The following NOL4L variants were observed in gnomAD, a reference collection of about 807,000 sequenced individuals.
NOL4L encodes the protein nucleolar protein 4-like.
A neutral mutation model predicts 64.5 loss-of-function variants in NOL4L; 7 were observed. That is an observed-to-expected ratio of 0.11 (90% CI 0.06 to 0.20). The LOEUF (loss-of-function observed/expected upper bound fraction) is 0.20, where lower values mean the gene tolerates loss of function less well. Ranked by LOEUF, NOL4L falls within the 10% of genes least tolerant of loss-of-function variation. The pLI is 1.00. For synonymous variants in NOL4L, 413 were observed against 401.0 expected (o/e 1.03, Z -0.36); for missense variants, 680 against 967.1 (o/e 0.70, Z 3.94).
At chr20:32,524,953 C>T (rs1478083409) in intron 2 of NOL4L, among the ~76,000 whole-genome samples, 2 of 152,240 alleles carry the variant, frequency 1.3e-5, no homozygotes, top group Non-Finnish European at 2.9e-5. Context: ...CGGCCTCACA[C>T]CCACGGCAGG....
intron 5 of NOL4L, 78 bp from the exon 6 acceptor site, chr20:32,456,473 G>C: frequency 6.7e-6 from 9 of 1,338,502 alleles, no homozygotes; most frequent in Non-Finnish European, 8.8e-6. Flanking sequence ...ATCCCACCCT[G>C]TGTCCTCCTC....
At chr20:32,483,259 C>A (rs1003975732) in intron 4 of NOL4L, 27 of 698,552 alleles carry the variant, frequency 3.9e-5, no homozygotes, top group East Asian at 1.3e-4. Flanking sequence ...CCCTCGCCCC[C>A]CTAACCGCAG....
At chr20:32,483,595 AAGGGGG>A in intron 4 of NOL4L, 2 of 770,354 alleles carry the variant, frequency 2.6e-6, no homozygotes, top group Non-Finnish European at 3.0e-6. Context: ...GGCCCGGAGG[AAGGGGG>A]AGGGGGCACC....
intron 10 of NOL4L, 122 bp from the exon 11 acceptor site, chr20:32,447,938 T>C: frequency 7.7e-7 from 1 of 1,295,134 alleles, no homozygotes; most frequent in South Asian, 1.8e-5. Flanking sequence ...GGCACTGAAG[T>C]CCGTGGCTCT....
intron 1 of NOL4L, among the ~76,000 whole-genome samples, chr20:32,542,810 T>G (rs1161531241): frequency 6.6e-6 from 1 of 152,186 alleles, no homozygotes; most frequent in East Asian, 1.9e-4. Flanking sequence ...TATATATAAG[T>G]CATTGCCGTG....
At chr20:32,447,873 G>T (rs1569358638) in intron 10 of NOL4L, 57 bp from the exon 11 acceptor site, 2 of 1,511,936 alleles carry the variant, frequency 1.3e-6, no homozygotes, top group Non-Finnish European at 1.8e-6. Context: ...GCATCTGGGA[G>T]GTGTACCTTC....
chr20:32,503,260 A>C (rs2016997694), intron 4 of NOL4L, among the ~76,000 whole-genome samples: 1 of 152,210 alleles, frequency 6.6e-6, no homozygotes, highest in African/African-American at 2.4e-5. Flanking sequence ...CAGATACTGA[A>C]AATGTGGTCG....
intron 2 of NOL4L, among the ~76,000 whole-genome samples, chr20:32,525,735 T>C (rs905638904): frequency 1.3e-5 from 2 of 151,890 alleles, no homozygotes; most frequent in African/African-American, 4.8e-5. Context: ...CACACACCAC[T>C]AGGCCTGAAT....
intron 4 of NOL4L, among the ~76,000 whole-genome samples, chr20:32,476,608 C>G (rs954756721): frequency 2.0e-5 from 3 of 152,364 alleles, no homozygotes; most frequent in Admixed American, 2.0e-4. Flanking sequence ...CCACCTACTC[C>G]AAACTCCCCA....
chr20:32,522,743 G>C (rs2017989888), intron 2 of NOL4L, among the ~76,000 whole-genome samples: 1 of 152,220 alleles, frequency 6.6e-6, no homozygotes, highest in Non-Finnish European at 1.5e-5. Flanking sequence ...GCGTGTGCTA[G>C]GCAGAGCAGA....
At chr20:32,454,773 G>C (rs1269309338) in intron 6 of NOL4L, among the ~76,000 whole-genome samples, 1 of 152,262 alleles carries the variant, frequency 6.6e-6, no homozygotes, top group Non-Finnish European at 1.5e-5. Flanking sequence ...AGGTAAGGCA[G>C]GCTCAGGGAA....
chr20:32,567,138 C>T (rs1244906599), intron 1 of NOL4L, among the ~76,000 whole-genome samples: 1 of 152,126 alleles, frequency 6.6e-6, no homozygotes, highest in Non-Finnish European at 1.5e-5. Flanking sequence ...TGGGTCCTTG[C>T]CTCCTTCCCC....
At chr20:32,507,842 A>C (rs2017196759) in intron 4 of NOL4L, among the ~76,000 whole-genome samples, 2 of 152,116 alleles carry the variant, frequency 1.3e-5, no homozygotes, top group South Asian at 4.2e-4. Context: ...CCATGTCTCT[A>C]CTAAAAATAC....
chr20:32,488,817 CTTTCTTTCTTTTTCTT>C lies in NOL4L; in HGVS notation c.700-14091_700-14076del, dbSNP rs1568648572. Among the ~76,000 whole-genome samples, 15 of 23,954 alleles carry C rather than the reference CTTTCTTTCTTTTTCTT, an allele frequency of 6.3e-4. 2 individuals carry two copies. Among genetic ancestry groups the C allele is most frequent in the Non-Finnish European group, 8.5e-4 (12 of 14,080 alleles). 15.7% of individuals were successfully genotyped at this position (23,954 alleles called of 152,430 possible). On this transcript the variant is annotated intron_variant, in intron 4 of 10. Transcript: ENST00000621426. ...TTTCTTTCTTTCTTTTTCTTTCTTT[CTTTCTTTCTTTTTCTT>C]TCTTTCTTTCTTTCTTTCTTTCTTT...
intron 2 of NOL4L, 128 bp downstream of exon 2, chr20:32,527,630 G>C (rs2018181719): frequency 4.4e-6 from 5 of 1,135,344 alleles, no homozygotes; most frequent in Non-Finnish European, 6.1e-6. Context: ...TGCCCCCCTA[G>C]ATCCCCAAAG....
intron 5 of NOL4L, among the ~76,000 whole-genome samples, chr20:32,469,645 A>G (rs2014857637): frequency 6.6e-6 from 1 of 152,256 alleles, no homozygotes; most frequent in African/African-American, 2.4e-5. Context: ...TGCTGGGCTT[A>G]CAGGCGTGAG....
intron 4 of NOL4L, among the ~76,000 whole-genome samples, chr20:32,500,737 T>G (rs1442065096): frequency 6.6e-6 from 1 of 151,592 alleles, no homozygotes; most frequent in Non-Finnish European, 1.5e-5. Context: ...AAAGAAGCAC[T>G]AAAAAACAAG....
chr20:32,477,744 C>T (rs1192059642), intron 4 of NOL4L, among the ~76,000 whole-genome samples: 6 of 152,306 alleles, frequency 3.9e-5, no homozygotes, highest in Middle Eastern at 3.4e-3. Flanking sequence ...TCCCTCCTGC[C>T]GCTGCCAGCC....
In NOL4L at chr20:32,534,405, C is replaced by T. The variant is rs189399847; in HGVS notation, c.322-6492G>A. On this transcript the variant is annotated intron_variant, in intron 1 of 10. Coordinates refer to ENST00000621426, the MANE Select transcript of NOL4L (RefSeq NM_001256798.2). ...GCCCAGGACTTCAGGGGGCTGATTG[C>T]ACAGGCAAATGTGAGGATGCCGCTC... 1.2e-4 allele frequency among the ~76,000 whole-genome samples: 18 copies of T among 152,330 alleles called. No homozygotes were observed. In the East Asian group the frequency reaches 3.5e-3, roughly 29 times the overall value.
Sources: allele counts gnomAD v4.1 joint callset (sites outside exome capture counted in the v4.1 genomes callset), GRCh38; gene constraint gnomAD v4.1.1; transcripts MANE v1.5; gene names NCBI Gene and HGNC (gene_info 2026-07-23, HGNC 2026-07-21).